NKAIN3: variants seen among roughly 807,000 people sequenced by gnomAD.
NKAIN3 encodes the protein sodium/potassium transporting ATPase interacting 3, also known as sodium/potassium-transporting ATPase subunit beta-1-interacting protein 3.
NKAIN3 carries 25 observed loss-of-function variants against 30.2 expected under a neutral mutation model. The observed-to-expected ratio is 0.83, with a 90% confidence interval of 0.60 to 1.16. The LOEUF is 1.16. Ranked by LOEUF, NKAIN3 falls within the 50% of genes most tolerant of loss-of-function variation. The pLI is 0.00. For missense variants in NKAIN3, 225 were observed against 254.1 expected, an observed-to-expected ratio of 0.89 and a Z score of 0.78; for synonymous variants, 91 against 89.6, an observed-to-expected ratio of 1.02 and a Z score of -0.09.
At chr8:62,831,718 T>C (rs1281838475) in intron 4 of NKAIN3, among the ~76,000 whole-genome samples, 1 of 152,130 alleles carries the variant, frequency 6.6e-6, no homozygotes, top group African/African-American at 2.4e-5. Context: ...TCAAGAAATA[T>C]GGGATTATGT....
At chr8:62,826,096 T>A (rs938129114) in intron 4 of NKAIN3, among the ~76,000 whole-genome samples, 5 of 152,190 alleles carry the variant, frequency 3.3e-5, no homozygotes, top group Non-Finnish European at 5.9e-5. Context: ...TCTCTGCTCA[T>A]CTCTGATAAT....
chr8:62,618,790 C>T (rs1442809970), intron 3 of NKAIN3, among the ~76,000 whole-genome samples: 1 of 152,050 alleles, frequency 6.6e-6, no homozygotes, highest in African/African-American at 2.4e-5. Flanking sequence ...TCTATAATCC[C>T]AGCTACTCCA....
chr8:62,919,912 T>TG (rs1822228354), intron 5 of NKAIN3, among the ~76,000 whole-genome samples: 1 of 152,162 alleles, frequency 6.6e-6, no homozygotes, highest in Non-Finnish European at 1.5e-5. Context: ...CAGAGTTTTT[T>TG]TTTTTTTTTA....
intron 4 of NKAIN3, among the ~76,000 whole-genome samples, chr8:62,907,170 G>A (rs1396653729): frequency 2.0e-5 from 3 of 152,210 alleles, no homozygotes; most frequent in African/African-American, 7.2e-5. Flanking sequence ...CCCTGCCCTA[G>A]AGATCTGTAG....
At chr8:62,387,644 C>T (rs888799954) in intron 1 of NKAIN3, among the ~76,000 whole-genome samples, 6 of 152,190 alleles carry the variant, frequency 3.9e-5, no homozygotes, top group African/African-American at 1.4e-4. Context: ...GGTGCAGTAA[C>T]TTTTCCATTG....
At chr8:62,653,292 A>C (rs999133846) in intron 3 of NKAIN3, among the ~76,000 whole-genome samples, 5 of 152,140 alleles carry the variant, frequency 3.3e-5, no homozygotes, top group Admixed American at 3.3e-4. Context: ...AGAGAGAGAG[A>C]GAGAGAACCA....
chr8:62,535,584 A>G (rs1176321042), intron 1 of NKAIN3, among the ~76,000 whole-genome samples: 2 of 152,190 alleles, frequency 1.3e-5, no homozygotes, highest in Non-Finnish European at 1.5e-5. Flanking sequence ...ACTCAGGGAA[A>G]CATTTACTTA....
chr8:62,783,967 G>A (rs1341789459), intron 4 of NKAIN3, among the ~76,000 whole-genome samples: 1 of 151,788 alleles, frequency 6.6e-6, no homozygotes, highest in African/African-American at 2.4e-5. Context: ...TTTTTAAAGA[G>A]CACATGCAGC....
intron 1 of NKAIN3, among the ~76,000 whole-genome samples, chr8:62,295,504 C>T (rs1320775644): frequency 6.6e-6 from 1 of 152,068 alleles, no homozygotes; most frequent in Non-Finnish European, 1.5e-5. Context: ...AGCAAAATAA[C>T]AATTGTTGAG....
intron 3 of NKAIN3, among the ~76,000 whole-genome samples, chr8:62,602,773 C>T (rs553362784): frequency 6.6e-6 from 1 of 152,236 alleles, no homozygotes; most frequent in East Asian, 1.9e-4. Flanking sequence ...CCAGCTACTG[C>T]TAGTGGCCTC....
chr8:62,506,806 TAA>T (rs1207742561), intron 1 of NKAIN3, among the ~76,000 whole-genome samples: 1 of 152,070 alleles, frequency 6.6e-6, no homozygotes, highest in Non-Finnish European at 1.5e-5. Context: ...ACTTTGGAAT[TAA>T]AAGAGGGTGT....
chr8:62,992,092 C>G (rs987021534), intron 5 of NKAIN3, among the ~76,000 whole-genome samples: 1 of 151,856 alleles, frequency 6.6e-6, no homozygotes, highest in Non-Finnish European at 1.5e-5. Flanking sequence ...GACCTCAGCA[C>G]TCTGCAGCTT....
chr8:62,987,800 G>A (rs1470212745), downstream of NKAIN3, among the ~76,000 whole-genome samples: 1 of 152,114 alleles, frequency 6.6e-6, no homozygotes, highest in East Asian at 1.9e-4. Flanking sequence ...ACACAGTCAT[G>A]CCTTCCCAAC....
Position 62,981,749 on chromosome 8 carries a change from CG to C in NKAIN3, c.*16343del, listed in dbSNP as rs1342837404. 11 of 112,948 alleles carry C rather than the reference CG, an allele frequency of 9.7e-5. No individual in the cohort carries two copies. The highest frequency in any genetic ancestry group is 3.4e-4 in the African/African-American group (10 of 29,802). 7.0% of individuals were successfully genotyped at this position (112,948 alleles called of 1,614,324 possible). A position where few individuals can be genotyped will look rare whatever the true frequency, so the allele number is the denominator to read the frequency against. On this transcript the variant is annotated 3_prime_UTR_variant, in exon 7 of 7. Coordinates refer to ENST00000623646, the MANE Select transcript of NKAIN3 (RefSeq NM_001304533.3). ...ATGTATCCACAACAGAACTAAGGAC[CG>C]AAAAAAAAAAAAAAAAGATCTCTAT...
intron 3 of NKAIN3, among the ~76,000 whole-genome samples, chr8:62,710,495 C>T (rs1814679694): frequency 6.6e-6 from 1 of 152,090 alleles, no homozygotes; most frequent in South Asian, 2.1e-4. Flanking sequence ...CTCTCTTAAC[C>T]ACTATTGCTT....
chr8:62,990,519 C>G (rs1454537328), intron 5 of NKAIN3: 2 of 358,728 alleles, frequency 5.6e-6, no homozygotes, highest in Non-Finnish European at 4.2e-6. Context: ...ACTAAATTCA[C>G]CAATTTATGA....
intron 3 of NKAIN3, among the ~76,000 whole-genome samples, chr8:62,670,879 GCA>G (rs57917158): frequency 0.14 from 20,308 of 141,810 alleles, 1,548 homozygotes; most frequent in East Asian, 0.34. Context: ...ACACATACAA[GCA>G]CACACACACA....
intron 1 of NKAIN3, among the ~76,000 whole-genome samples, chr8:62,402,890 G>T (rs1485851459): frequency 6.6e-6 from 1 of 152,156 alleles, no homozygotes; most frequent in African/African-American, 2.4e-5. Context: ...CAGTTTGGAG[G>T]GCTCAGAAGA....
At chr8:62,384,152 C>G (rs1264537603) in intron 1 of NKAIN3, among the ~76,000 whole-genome samples, 1 of 152,090 alleles carries the variant, frequency 6.6e-6, no homozygotes, top group East Asian at 1.9e-4. Flanking sequence ...TACTGTGATA[C>G]ACTATTTGCT....
Sources: allele counts gnomAD v4.1 joint callset (sites outside exome capture counted in the v4.1 genomes callset), GRCh38; gene constraint gnomAD v4.1.1; transcripts MANE v1.5; gene names NCBI Gene and HGNC (gene_info 2026-07-23, HGNC 2026-07-21).